RBBP8: variants seen among roughly 807,000 people sequenced by gnomAD.
RBBP8 encodes the protein RB binding protein 8, endonuclease.
RBBP8 carries 88 observed loss-of-function variants against 108.3 expected under a neutral mutation model. The ratio of observed to expected loss-of-function variants is 0.81; its 90% CI spans 0.68 to 0.97. The LOEUF (loss-of-function observed/expected upper bound fraction) is 0.97. Ranked by LOEUF, RBBP8 falls within the 50% of genes least tolerant of loss-of-function variation. The probability of loss-of-function intolerance (pLI) is 0.00; values close to 1 mark genes in which losing one functional copy is unlikely to be tolerated. For missense variants in RBBP8, 1,023 were observed against 1,049.0 expected (o/e 0.98, Z 0.34); for synonymous variants, 332 against 348.2 (o/e 0.95, Z 0.52).
chr18:22,993,906 AT>A, intron 12 of RBBP8, 59 bp downstream of exon 12: 1 of 1,535,938 alleles, frequency 6.5e-7, no homozygotes, highest in East Asian at 2.3e-5. Context: ...GAATGTCATT[AT>A]TTACTTTTTT....
intron 16 of RBBP8, among the ~76,000 whole-genome samples, chr18:23,013,201 G>T (rs2046198488): frequency 6.6e-6 from 1 of 151,838 alleles, no homozygotes; most frequent in Admixed American, 6.6e-5. Context: ...TGTAATAATT[G>T]CAGAGTTAGT....
At position 23,022,216 on chromosome 18, in the gene RBBP8, C is replaced by A. The variant is rs747899384; in HGVS notation, c.2542C>A (p.Pro848Thr). 6.8e-6 allele frequency: 11 copies of A among 1,612,552 alleles called. No individual in the cohort carries two copies. The South Asian group carries it at 1.2e-4, about 18-fold the overall frequency. The change falls in exon 18 of 19, where the codon CCA becomes ACA. Residue 848 changes from proline to threonine, a missense_variant. Physicochemically the swap from Pro to Thr is conservative, Grantham distance 38 (BLOSUM62 -1). Transcript: ENST00000327155. ...ATTCCGCTACATTCCACCCAACACA[C>A]CAGAGAATTTTTGGGAAGTTGGTTT... ...HRFRYIPPNT[P>T]ENFWEVGFPS...
rs73966415 is a variant in RBBP8 at position 22,976,054 on chromosome 18, G to A, written c.428+835G>A. On this transcript the variant is annotated intron_variant, in intron 6 of 18. Coordinates refer to ENST00000327155, the MANE Select transcript of RBBP8 (RefSeq NM_002894.3). ...ATAGCGTTCCTAAAGATCCTGTTGC[G>A]TTTAAGTAGACATCTACAAAAACTT... Among the ~76,000 whole-genome samples the A allele has an allele frequency of 1.6e-3, 246 of 152,210 alleles. 1 individual carries two copies. The highest frequency in any genetic ancestry group is 5.6e-3 in the African/African-American group (234 of 41,556).
chr18:22,916,693 A>C (rs1196618830), intron 2 of RBBP8, among the ~76,000 whole-genome samples: 1 of 152,126 alleles, frequency 6.6e-6, no homozygotes, highest in Non-Finnish European at 1.5e-5. Context: ...AAAGGTGACT[A>C]CCACTTCAAA....
Position 23,022,642 on chromosome 18 carries a change from A to T in RBBP8, c.2596+372A>T, listed in dbSNP as rs867408349. ...TAAAATAAAATAAAATAAAATAAAT[A>T]AAATACAATATAAAATAAAATAAAA... On this transcript the variant is annotated intron_variant, in intron 18 of 18. Transcript: ENST00000327155. Among the ~76,000 whole-genome samples, 15 of 58,716 alleles carry T rather than the reference A, an allele frequency of 2.6e-4. 1 individual carries two copies. In the East Asian group the frequency reaches 2.7e-3, roughly 11 times the overall value. 38.5% of individuals were successfully genotyped at this position (58,716 alleles called of 152,430 possible).
chr18:22,974,213 T>C (rs1466409570), intron 5 of RBBP8, among the ~76,000 whole-genome samples: 3 of 152,196 alleles, frequency 2.0e-5, no homozygotes, highest in African/African-American at 7.2e-5. Flanking sequence ...TACTAAGCAT[T>C]GATGAGAGTT....
At chr18:22,957,509 A>G (rs1458103344) in intron 4 of RBBP8, among the ~76,000 whole-genome samples, 1 of 152,158 alleles carries the variant, frequency 6.6e-6, no homozygotes, top group African/African-American at 2.4e-5. Flanking sequence ...TTAGTAGCAA[A>G]TGGAAGCTTT....
At chr18:23,001,761 T>G in intron 15 of RBBP8, 32 bp downstream of exon 15, 1 of 1,612,518 alleles carries the variant, frequency 6.2e-7, no homozygotes, top group South Asian at 1.1e-5. Flanking sequence ...TTATGGCTTC[T>G]CAGTTGCAGA....
intron 5 of RBBP8, among the ~76,000 whole-genome samples, chr18:22,969,708 GT>G (rs1180731330): frequency 2.0e-5 from 3 of 152,036 alleles, no homozygotes; most frequent in Non-Finnish European, 2.9e-5. Flanking sequence ...CCAGGTCCAG[GT>G]TTTTCTGTCT....
chr18:23,011,641 A>G (rs1261723964), intron 16 of RBBP8, among the ~76,000 whole-genome samples: 7 of 151,858 alleles, frequency 4.6e-5, no homozygotes, highest in East Asian at 1.9e-4. Context: ...GGGTTTCACC[A>G]TGTTAGCCAG....
At position 22,965,227 on chromosome 18, in the gene RBBP8, A is replaced by G. The variant is rs144103270; in HGVS notation, c.249-3579A>G. Among the ~76,000 whole-genome samples, 947 of 151,416 alleles carry G rather than the reference A, an allele frequency of 6.3e-3. 6 individuals are homozygous for G. Among genetic ancestry groups the G allele is most frequent in the Non-Finnish European group, 0.01 (689 of 67,846 alleles). On this transcript the variant is annotated intron_variant, in intron 4 of 18. Transcript: ENST00000327155. The stretch of plus-strand genomic sequence containing the variant: ...TTCTTTTTTTAATGTTTTGTTTGCT[A>G]TGGTTTCTTATAATTTATAAGCATT...
chr18:22,924,126 G>GTTTTTTTTT (rs1567937530), intron 3 of RBBP8, among the ~76,000 whole-genome samples: 5 of 78,784 alleles, frequency 6.3e-5, no homozygotes, highest in South Asian at 5.0e-4. Context: ...GTTTGTTTTT[G>GTTTTTTTTT]GTTTTTTTTT....
intron 2 of RBBP8, among the ~76,000 whole-genome samples, chr18:22,938,679 C>G (rs1399508615): frequency 6.6e-6 from 1 of 152,188 alleles, no homozygotes; most frequent in Non-Finnish European, 1.5e-5. Flanking sequence ...ATTTCATTTA[C>G]CCACTTGCTC....
intron 16 of RBBP8, among the ~76,000 whole-genome samples, chr18:23,016,388 TA>T (rs1160985151): frequency 6.6e-6 from 1 of 151,776 alleles, no homozygotes; most frequent in Non-Finnish European, 1.5e-5. Context: ...CTACTAAAAA[TA>T]AAAAATTAGC....
intron 2 of RBBP8, among the ~76,000 whole-genome samples, chr18:22,944,385 C>A (rs1911369794): frequency 6.6e-6 from 1 of 152,116 alleles, no homozygotes; most frequent in South Asian, 2.1e-4. Context: ...GAATCCATTT[C>A]ATCTTTGGCT....
chr18:22,984,658 C>G (rs563279607), intron 7 of RBBP8, among the ~76,000 whole-genome samples: 1 of 152,318 alleles, frequency 6.6e-6, no homozygotes, highest in East Asian at 1.9e-4. Context: ...GCTGTCTGTT[C>G]TAGTCCCCTC....
chr18:23,010,766 G>GT, intron 16 of RBBP8, among the ~76,000 whole-genome samples: 1 of 151,818 alleles, frequency 6.6e-6, no homozygotes, highest in Non-Finnish European at 1.5e-5. Flanking sequence ...AATTCTCAGA[G>GT]TTACATTGTT....
chr18:23,022,223 A>C lies in RBBP8; in HGVS notation c.2549A>C (p.Asn850Thr). Residue 850 changes from asparagine to threonine, a missense_variant, in exon 18 of 19, where the codon AAT (asparagine) becomes ACT (threonine). Physicochemically the swap from Asn to Thr is moderately conservative, Grantham distance 65 (BLOSUM62 0). Coordinates refer to ENST00000327155, the MANE Select transcript of RBBP8 (RefSeq NM_002894.3). The stretch of plus-strand genomic sequence containing the variant: ...TACATTCCACCCAACACACCAGAGA[A>C]TTTTTGGGAAGTTGGTTTTCCTTCC... ...FRYIPPNTPE[N>T]FWEVGFPSTQ... The C allele has an allele frequency of 6.2e-7, 1 of 1,612,654 alleles. No individual in the cohort carries two copies. Among genetic ancestry groups the C allele is most frequent in the Non-Finnish European group, 8.5e-7 (1 of 1,178,640 alleles).
intron 5 of RBBP8, among the ~76,000 whole-genome samples, chr18:22,970,437 A>G (rs904673579): frequency 6.6e-6 from 1 of 152,222 alleles, no homozygotes; most frequent in African/African-American, 2.4e-5. Flanking sequence ...CGTTTTTTTA[A>G]ATGGCTGCAT....
Sources: allele counts gnomAD v4.1 joint callset (sites outside exome capture counted in the v4.1 genomes callset), GRCh38; gene constraint gnomAD v4.1.1; transcripts MANE v1.5; gene names NCBI Gene and HGNC (gene_info 2026-07-23, HGNC 2026-07-21).